The following PATL2 variants were observed in gnomAD, a reference collection of about 807,000 sequenced individuals.
PATL2 encodes PAT1 homolog 2.
Under a neutral mutation model 77.0 loss-of-function variants are expected in PATL2, and 73 were observed. That is an observed-to-expected ratio of 0.95 (90% CI 0.78 to 1.15). The LOEUF (loss-of-function observed/expected upper bound fraction) is 1.15, where lower values mean the gene tolerates loss of function less well. Ranked by LOEUF, PATL2 falls within the 50% of genes most tolerant of loss-of-function variation. The pLI, the probability that PATL2 is intolerant of heterozygous loss-of-function variation, is 0.00. For missense variants in PATL2, 618 were observed against 655.4 expected (o/e 0.94, Z 0.62); for synonymous variants, 265 against 257.1 (o/e 1.03, Z -0.29).
rs1449662290 is a variant in PATL2, at chr15:44,665,785, C to T, written c.*168G>A. On this transcript the variant is annotated 3_prime_UTR_variant, in exon 18 of 18. Transcript: ENST00000682850. ...TATTATGCCATGTCTTATTTTTAGG[C>T]ACATCATTTAGATTTTTGAAGAAAG... The T allele has an allele frequency of 3.3e-6, 5 of 1,501,150 alleles. No individual in the cohort carries two copies. Among genetic ancestry groups the T allele is most frequent in the Non-Finnish European group, 4.4e-6 (5 of 1,123,954 alleles). The allele number at this position is 1,501,150 out of a possible 1,614,324, so 93.0% of individuals were successfully genotyped here.
At position 44,686,332 on chromosome 15, in the gene PATL2, C is replaced by G. The variant is rs999888796; in HGVS notation, c.-75-9767G>C. On this transcript the variant is annotated intron_variant, in intron 3 of 17. Transcript: ENST00000682850. The stretch of plus-strand genomic sequence containing the variant: ...TACTGGGTAAATAACAATATTAAGG[C>G]AGAAATAAATAAGTTCTTTGAAACC... 1.1e-4 allele frequency among the ~76,000 whole-genome samples: 17 copies of G among 152,074 alleles called. No homozygotes were observed. In the East Asian group the frequency reaches 1.3e-3, roughly 12 times the overall value.
At chr15:44,674,336 T>C (rs954027430) in intron 5 of PATL2, 106 bp from the exon 6 acceptor site, 4 of 855,844 alleles carry the variant, frequency 4.7e-6, no homozygotes, top group Non-Finnish European at 7.2e-6. Context: ...GACCAGGTGT[T>C]CCAACATCCA....
chr15:44,668,184 G>A (rs1192544668), intron 15 of PATL2, among the ~76,000 whole-genome samples, 158 bp downstream of exon 15: 1 of 152,172 alleles, frequency 6.6e-6, no homozygotes, highest in Non-Finnish European at 1.5e-5. Flanking sequence ...AAGGAGCTGG[G>A]TTTAATAAGC....
At chr15:44,672,322 G>A in intron 8 of PATL2, 66 bp downstream of exon 8, 1 of 1,527,530 alleles carries the variant, frequency 6.5e-7, no homozygotes, top group Admixed American at 2.0e-5. Flanking sequence ...GGAGACAACT[G>A]GTCACAAGGG....
intron 3 of PATL2, among the ~76,000 whole-genome samples, chr15:44,695,328 A>T (rs1171199632): frequency 6.6e-6 from 1 of 152,196 alleles, no homozygotes; most frequent in Non-Finnish European, 1.5e-5. Flanking sequence ...CAGCCTGCAA[A>T]ATTGAGCTGC....
intron 3 of PATL2, among the ~76,000 whole-genome samples, chr15:44,688,950 G>T (rs922608176): frequency 2.0e-5 from 3 of 152,168 alleles, no homozygotes; most frequent in Non-Finnish European, 4.4e-5. Flanking sequence ...GAAAATGTTT[G>T]CAATCTATCC....
rs528979955 is a variant in PATL2, at chr15:44,709,233, G to T, written c.-76+863C>A. 2.0e-5 allele frequency among the ~76,000 whole-genome samples: 3 copies of T among 152,076 alleles called. No individual in the cohort carries two copies. In the East Asian group the frequency reaches 5.8e-4, roughly 29 times the overall value. On this transcript the variant is annotated intron_variant, in intron 3 of 17. Transcript: ENST00000682850. ...TTATACCATTTTATATTCCTACCAGGATTGTATGAGAGTTCCAGTTCTTCT... is the reference window on the plus strand; with the variant it reads ...TTATACCATTTTATATTCCTACCAGTATTGTATGAGAGTTCCAGTTCTTCT...
At position 44,669,549 on chromosome 15, in the gene PATL2, T is replaced by C; in HGVS notation, c.891A>G (p.Ala297=). Residue 297 remains alanine (A), a synonymous_variant, in exon 12 of 18, where the codon GCA becomes GCG. Coordinates refer to ENST00000682850, the MANE Select transcript of PATL2 (RefSeq NM_001387263.1). ...HGTQEQDIEA[A]SSQRLRVLYR... is the part of the protein sequence containing the mutation. Reference sequence around the variant, plus strand: ...ATAATACCCGAAGCCTCTGACTGCTTGCAGCTTCTATATCCTAGGAGAAGG... The same window carrying C: ...ATAATACCCGAAGCCTCTGACTGCTCGCAGCTTCTATATCCTAGGAGAAGG... 1 of 1,551,422 alleles carries C rather than the reference T, an allele frequency of 6.4e-7. No individual in the cohort carries two copies. The highest frequency in any genetic ancestry group is 8.7e-7 in the Non-Finnish European group (1 of 1,146,938).
At chr15:44,699,820 A>T (rs1241641198) in intron 3 of PATL2, among the ~76,000 whole-genome samples, 3 of 151,844 alleles carry the variant, frequency 2.0e-5, no homozygotes, top group Non-Finnish European at 4.4e-5. Context: ...AGATGTATGG[A>T]TTTGTTTCTG....
chr15:44,675,457 C>T, intron 5 of PATL2, 29 bp downstream of exon 5: 1 of 1,542,680 alleles, frequency 6.5e-7, no homozygotes, highest in Non-Finnish European at 8.8e-7. Flanking sequence ...TTCAGGACAA[C>T]CCTCTCCCAT....
chr15:44,701,867 C>G (rs1394259699), intron 3 of PATL2, among the ~76,000 whole-genome samples: 1 of 151,946 alleles, frequency 6.6e-6, no homozygotes, highest in Non-Finnish European at 1.5e-5. Context: ...GGGTGCCAGG[C>G]ACTTCACATG....
At chr15:44,707,028 C>T (rs928516711) in intron 3 of PATL2, among the ~76,000 whole-genome samples, 1 of 152,104 alleles carries the variant, frequency 6.6e-6, no homozygotes, top group Admixed American at 6.5e-5. Context: ...TTGCCATGGC[C>T]ACTTCCACCC....
intron 5 of PATL2, chr15:44,674,855 C>CATTAA (rs1306917346): frequency 6.6e-6 from 1 of 152,180 alleles, no homozygotes; most frequent in African/African-American, 2.4e-5. Flanking sequence ...AGACATAAGC[C>CATTAA]ACTGCCCCTG....
rs979462208 is a variant in PATL2, at chr15:44,671,874, C to T, written c.657+141G>A. The T allele has an allele frequency of 1.1e-5, 11 of 1,016,096 alleles. No individual in the cohort carries two copies. In the Admixed American group the frequency reaches 1.2e-4, roughly 11 times the overall value. 62.9% of individuals were successfully genotyped at this position (1,016,096 alleles called of 1,614,324 possible). A position where few individuals can be genotyped will look rare whatever the true frequency, so the allele number is the denominator to read the frequency against. On this transcript the variant is annotated intron_variant, in intron 9 of 17. Coordinates refer to ENST00000682850, the MANE Select transcript of PATL2 (RefSeq NM_001387263.1). ...GTTTGGGATGTCAATTTTAGAAATA[C>T]GGCCCCCATCCTGTAGTGATTCTCT...
chr15:44,667,168 A>G lies in PATL2; in HGVS notation c.1401T>C (p.His467=), dbSNP rs1216743455. ...GISLLYALLS[H]GEQLVSLHSS... ...AATGCAGCGATACCAGTTGCTCCCC[A>G]TGGCTCAGCAGGGCATAGAGCAAAG... The change falls in exon 16 of 18, where the codon CAT becomes CAC. Residue 467 remains histidine, a synonymous_variant. Coordinates refer to ENST00000682850, the MANE Select transcript of PATL2 (RefSeq NM_001387263.1). 6.4e-7 allele frequency: 1 copy of G among 1,551,692 alleles called. No individual in the cohort carries two copies. Among genetic ancestry groups the G allele is most frequent in the South Asian group, 1.2e-5 (1 of 84,068 alleles).
chr15:44,702,115 T>C (rs1026377535), intron 3 of PATL2, among the ~76,000 whole-genome samples: 1 of 152,126 alleles, frequency 6.6e-6, no homozygotes, highest in African/African-American at 2.4e-5. Context: ...TCTTCATATG[T>C]TTAGTAACAT....
At chr15:44,710,702 C>G (rs577509344) in intron 2 of PATL2, among the ~76,000 whole-genome samples, 169 bp downstream of exon 2, 2 of 152,262 alleles carry the variant, frequency 1.3e-5, no homozygotes, top group African/African-American at 4.8e-5. Context: ...ATTCGGTTTA[C>G]TGAGTACCTA....
At position 44,675,594 on chromosome 15, in the gene PATL2, TTCCTCCTCCTCC is replaced by T. The variant is rs778192563; in HGVS notation, c.102_113del (p.Glu38_Glu41del). ...CCAGATCCTCCTCGTCCTCCTCCTCTTCCTCCTCCTCCCCTTCATTCTCTTCTTCTTTTTCCA... is the reference window on the plus strand; with the variant it reads ...CCAGATCCTCCTCGTCCTCCTCCTCTCCTTCATTCTCTTCTTCTTTTTCCA... On this transcript the variant is annotated inframe_deletion, in exon 5 of 18. Coordinates refer to ENST00000682850, the MANE Select transcript of PATL2 (RefSeq NM_001387263.1). 2.0e-4 allele frequency: 316 copies of T among 1,551,576 alleles called. No individual in the cohort carries two copies. The African/African-American group carries it at 3.8e-3, about 19-fold the overall frequency.
chr15:44,674,133 G>A lies in PATL2; in HGVS notation c.303+17C>T, dbSNP rs780516914. On this transcript the variant is annotated intron_variant, in intron 6 of 17. Transcript: ENST00000682850. ...GAATCCTCACTACCCACAGTATGGA[G>A]ACTGCAGCAGACTCACCTGCCACAG... is the stretch of plus-strand genomic sequence containing the variant. The A allele has an allele frequency of 6.5e-7, 1 of 1,532,460 alleles. No individual in the cohort carries two copies. Among genetic ancestry groups the A allele is most frequent in the South Asian group, 1.2e-5 (1 of 83,520 alleles). 94.9% of individuals were successfully genotyped at this position (1,532,460 alleles called of 1,614,324 possible). A position where few individuals can be genotyped will look rare whatever the true frequency, so the allele number is the denominator to read the frequency against.
Sources: allele counts gnomAD v4.1 joint callset (sites outside exome capture counted in the v4.1 genomes callset), GRCh38; gene constraint gnomAD v4.1.1; transcripts MANE v1.5; gene names NCBI Gene and HGNC (gene_info 2026-07-23, HGNC 2026-07-21).